PROM1: variants seen among roughly 807,000 people sequenced by gnomAD.
PROM1 encodes prominin 1, also known as prominin-1.
In PROM1, 105 loss-of-function variants were observed where a neutral mutation model predicts 116.9. The ratio of observed to expected loss-of-function variants is 0.90; its 90% CI spans 0.77 to 1.06. The LOEUF is 1.06. PROM1 is among the 50% of genes least tolerant of loss of function. The pLI is 0.00. For synonymous variants in PROM1, 393 were observed against 387.0 expected (o/e 1.02, Z -0.18); for missense variants, 1,122 against 1,045.2 (o/e 1.07, Z -1.01).
chr4:16,021,196 A>C (rs1286441157), intron 8 of PROM1, among the ~76,000 whole-genome samples: 1 of 28,028 alleles, frequency 3.6e-5, no homozygotes, highest in Non-Finnish European at 1.2e-4. Flanking sequence ...AGCTGAATTA[A>C]AAAAACAAAA....
In PROM1 at chr4:15,994,853, T is replaced by C. The variant is rs572325641; in HGVS notation, c.1683-782A>G. Among the ~76,000 whole-genome samples the C allele has an allele frequency of 6.6e-5, 10 of 152,076 alleles. No individual in the cohort carries two copies. The South Asian group carries it at 1.2e-3, about 19-fold the overall frequency. The stretch of plus-strand genomic sequence containing the variant: ...GCAACTTTCCCACATCCCTAGGAGG[T>C]GTGATCCTTCCCTCCAGAGAACAAG... On this transcript the variant is annotated intron_variant, in intron 15 of 27. Transcript: ENST00000447510.
At chr4:16,014,922 T>C (rs1727908642) in intron 10 of PROM1, among the ~76,000 whole-genome samples, 1 of 152,090 alleles carries the variant, frequency 6.6e-6, no homozygotes, top group Admixed American at 6.5e-5. Context: ...TACAGTTCAG[T>C]GGTGGGAAGG....
chr4:16,001,340 T>G (rs1723797269), intron 13 of PROM1, among the ~76,000 whole-genome samples: 1 of 152,066 alleles, frequency 6.6e-6, no homozygotes, highest in South Asian at 2.1e-4. Flanking sequence ...AAAGACTGTG[T>G]AGGAGTCAGT....
intron 8 of PROM1, 43 bp from the exon 9 acceptor site, chr4:16,018,583 C>G (rs944067057): frequency 9.1e-6 from 14 of 1,531,658 alleles, no homozygotes; most frequent in Non-Finnish European, 1.2e-5. Flanking sequence ...TGCCAAGTCC[C>G]TCCTCATCTA....
Position 15,979,869 on chromosome 4 carries a change from A to T in PROM1, c.2513+12T>A. On this transcript the variant is annotated intron_variant, in intron 25 of 27. Transcript: ENST00000447510. ...TCCCATCTAGGAATATAGTTTTTTT[A>T]AAAAGGCTTACTTTTTCATGGGTAT... The T allele has an allele frequency of 6.9e-7, 1 of 1,449,350 alleles. No individual in the cohort carries two copies. Among genetic ancestry groups the T allele is most frequent in the Non-Finnish European group, 9.4e-7 (1 of 1,059,966 alleles). The allele number at this position is 1,449,350 out of a possible 1,614,324, so 89.8% of individuals were successfully genotyped here.
chr4:16,080,909 G>A (rs190125735), intron 1 of PROM1, among the ~76,000 whole-genome samples: 6 of 152,148 alleles, frequency 3.9e-5, no homozygotes, highest in African/African-American at 1.4e-4. Context: ...TGTTCTGGCA[G>A]CCGCAGCCAC....
chr4:15,991,375 A>T, intron 17 of PROM1, 82 bp from the exon 18 acceptor site: 1 of 896,164 alleles, frequency 1.1e-6, no homozygotes, highest in Non-Finnish European at 1.7e-6. Context: ...AACAGATTAA[A>T]CATGGATTCA....
chr4:16,035,268 A>G lies in PROM1; in HGVS notation c.303+467T>C, dbSNP rs1176686217. Among the ~76,000 whole-genome samples the G allele has an allele frequency of 2.6e-5, 4 of 152,342 alleles. No individual in the cohort carries two copies. The East Asian group carries it at 7.7e-4, about 29-fold the overall frequency. On this transcript the variant is annotated intron_variant, in intron 4 of 27. Coordinates refer to ENST00000447510, the MANE Select transcript of PROM1 (RefSeq NM_006017.3). The stretch of plus-strand genomic sequence containing the variant: ...TCCATCATTTCTCAGCAAATATTCT[A>G]AATTGTTTACTATTTTAAAGAAATG...
At chr4:16,077,336 T>C (rs1225431566) in intron 1 of PROM1, among the ~76,000 whole-genome samples, 1 of 152,198 alleles carries the variant, frequency 6.6e-6, no homozygotes. Context: ...CAGCACTTAA[T>C]TCTTTACCTT....
At chr4:16,057,031 C>A (rs1436263660) in intron 2 of PROM1, among the ~76,000 whole-genome samples, 2 of 152,214 alleles carry the variant, frequency 1.3e-5, no homozygotes, top group Non-Finnish European at 2.9e-5. Context: ...AGGAAGCTGT[C>A]ATTTCTGAAG....
At chr4:15,998,862 C>T (rs1722973737) in intron 14 of PROM1, among the ~76,000 whole-genome samples, 1 of 151,978 alleles carries the variant, frequency 6.6e-6, no homozygotes, top group Non-Finnish European at 1.5e-5. Context: ...ACTACAGGCA[C>T]CACCACTGCC....
chr4:15,993,191 T>C (rs1160206214), intron 16 of PROM1, among the ~76,000 whole-genome samples: 1 of 152,250 alleles, frequency 6.6e-6, no homozygotes, highest in East Asian at 1.9e-4. Context: ...ATGGTAACTC[T>C]AGCAGCAGTG....
At chr4:15,978,659 C>T (rs547884173) in intron 26 of PROM1, among the ~76,000 whole-genome samples, 2 of 152,294 alleles carry the variant, frequency 1.3e-5, no homozygotes, top group South Asian at 2.1e-4. Flanking sequence ...GGAGCGGGCT[C>T]GGGGGAGCAC....
At position 16,025,196 on chromosome 4, in the gene PROM1, G is replaced by A. The variant is rs1730938361; in HGVS notation, c.626C>T (p.Pro209Leu). Residue 209 changes from proline (P) to leucine (L), a missense_variant, in exon 6 of 28, where the codon CCA (proline) becomes CTA (leucine). Coordinates refer to ENST00000447510, the MANE Select transcript of PROM1 (RefSeq NM_006017.3). Reference protein sequence around the residue: ...KDLRTLLNETPEQIKYILAQY... With the variant: ...KDLRTLLNETLEQIKYILAQY... Reference sequence around the variant, plus strand: ...CATAGAGATGATGGTTTTTACCTCTGGAGTTTCATTCAAGAGAGTTCGCAA... The same window carrying A: ...CATAGAGATGATGGTTTTTACCTCTAGAGTTTCATTCAAGAGAGTTCGCAA... The A allele has an allele frequency of 6.2e-7, 1 of 1,613,536 alleles. No individual in the cohort carries two copies. The highest frequency in any genetic ancestry group is 1.3e-5 in the African/African-American group (1 of 74,930).
chr4:16,010,773 T>G (rs965536836), intron 11 of PROM1, among the ~76,000 whole-genome samples: 4 of 152,200 alleles, frequency 2.6e-5, no homozygotes, highest in African/African-American at 9.7e-5. Flanking sequence ...AGTGCTGGGA[T>G]TATAGCAGTG....
chr4:16,047,732 C>G lies in PROM1; in HGVS notation c.221-8731G>C, dbSNP rs148193500. Among the ~76,000 whole-genome samples, 527 of 152,236 alleles carry G rather than the reference C, an allele frequency of 3.5e-3. 4 individuals carry two copies. Among genetic ancestry groups the G allele is most frequent in the African/African-American group, 0.012 (495 of 41,528 alleles). On this transcript the variant is annotated intron_variant, in intron 2 of 27. Coordinates refer to ENST00000447510, the MANE Select transcript of PROM1 (RefSeq NM_006017.3). ...CTATTGCTCCTGCTGGATGGTTATA[C>G]CTCATGGGTGCTGGAGCAGAACACC...
At chr4:16,013,484 A>C (rs996782203) in intron 10 of PROM1, 146 bp from the exon 11 acceptor site, 7 of 600,580 alleles carry the variant, frequency 1.2e-5, no homozygotes, top group Non-Finnish European at 2.1e-5. Flanking sequence ...TTATATGGTC[A>C]TCAAGAGTCT....
intron 1 of PROM1, among the ~76,000 whole-genome samples, chr4:16,081,822 A>G (rs1745095505): frequency 1.3e-5 from 2 of 152,202 alleles, no homozygotes; most frequent in Non-Finnish European, 2.9e-5. Flanking sequence ...TGTCTCGTAT[A>G]AAAATCAGAA....
intron 2 of PROM1, among the ~76,000 whole-genome samples, chr4:16,059,894 G>T (rs1368754255): frequency 1.3e-5 from 2 of 152,120 alleles, no homozygotes; most frequent in Non-Finnish European, 2.9e-5. Context: ...GTTAGGGGTA[G>T]ATCTAAAAAA....
Sources: allele counts gnomAD v4.1 joint callset (sites outside exome capture counted in the v4.1 genomes callset), GRCh38; gene constraint gnomAD v4.1.1; transcripts MANE v1.5; gene names NCBI Gene and HGNC (gene_info 2026-07-23, HGNC 2026-07-21).